The following FGF14 variants were observed in gnomAD, a reference collection of about 807,000 sequenced individuals.
FGF14 encodes fibroblast growth factor 14, also known as fibroblast growth factor homologous factor 4.
In FGF14, 5 loss-of-function variants were observed where a neutral mutation model predicts 25.5. The observed-to-expected ratio is 0.20, with a 90% confidence interval of 0.10 to 0.41. FGF14 has a LOEUF of 0.41. FGF14 is among the 10% of genes least tolerant of loss of function. FGF14 has a pLI of 1.00. For synonymous variants in FGF14, 138 were observed against 118.3 expected, an observed-to-expected ratio of 1.17 and a Z score of -1.08; for missense variants, 222 against 320.1, an observed-to-expected ratio of 0.69 and a Z score of 2.34.
intron 1 of FGF14, among the ~76,000 whole-genome samples, chr13:102,335,739 C>CT (rs551399902): frequency 3.2e-4 from 48 of 152,274 alleles, no homozygotes; most frequent in African/African-American, 1.2e-3. Flanking sequence ...TTTGTGGACT[C>CT]TGTGTTGCAC....
At chr13:102,123,749 T>C (rs2045834362) in intron 1 of FGF14, among the ~76,000 whole-genome samples, 1 of 152,156 alleles carries the variant, frequency 6.6e-6, no homozygotes, top group Non-Finnish European at 1.5e-5. Flanking sequence ...GGATATTAAG[T>C]GTTTTGCATG....
At chr13:102,395,466 G>A (rs1444787121) in intron 1 of FGF14, 1 of 152,132 alleles carries the variant, frequency 6.6e-6, no homozygotes, top group Admixed American at 6.5e-5. Flanking sequence ...ATAAAATGTG[G>A]GCCAAGGGAA....
rs749416557 is a variant in FGF14, at chr13:101,961,649, C to T, written c.209-86353G>A. On this transcript the variant is annotated intron_variant, in intron 1 of 4. Coordinates refer to the FGF14 transcript ENST00000376131. ...GTGGGAGCTAATTGAATCATGGGGA[C>T]GGTTACCTCCATGCTGTTCTCATGA... 3.3e-5 allele frequency among the ~76,000 whole-genome samples: 5 copies of T among 152,180 alleles called. No homozygotes were observed. In the East Asian group the frequency reaches 5.8e-4, roughly 18 times the overall value.
At chr13:102,079,595 T>C (rs2043521902) in intron 1 of FGF14, among the ~76,000 whole-genome samples, 1 of 152,124 alleles carries the variant, frequency 6.6e-6, no homozygotes, top group African/African-American at 2.4e-5. Context: ...TAAATATTTA[T>C]TAAGTGTCTT....
intron 1 of FGF14, among the ~76,000 whole-genome samples, chr13:102,070,003 C>T (rs918522385): frequency 1.3e-5 from 2 of 152,186 alleles, no homozygotes; most frequent in African/African-American, 4.8e-5. Context: ...CTTAAAAGCA[C>T]AGGTAACCAG....
At position 101,843,281 on chromosome 13, in the gene FGF14, G is replaced by T. The variant is rs182853084; in HGVS notation, c.408+25444C>A. Among the ~76,000 whole-genome samples the T allele has an allele frequency of 1.2e-3, 179 of 152,126 alleles. 1 individual carries two copies. Among genetic ancestry groups the T allele is most frequent in the African/African-American group, 4.3e-3 (178 of 41,532 alleles). On this transcript the variant is annotated intron_variant, in intron 3 of 4. Transcript: ENST00000376143. ...GCCCCTACCTCACTGTATTTCAGAA[G>T]AAGTAGGAGACATGCATTTAGGGGG... is the stretch of plus-strand genomic sequence containing the variant.
At position 101,913,620 on chromosome 13, in the gene FGF14, A is replaced by C. The variant is rs531813555; in HGVS notation, c.193+2833T>G. Among the ~76,000 whole-genome samples the C allele has an allele frequency of 1.2e-4, 18 of 152,224 alleles. No individual in the cohort carries two copies. The South Asian group carries it at 1.5e-3, about 12-fold the overall frequency. On this transcript the variant is annotated intron_variant, in intron 1 of 4. Coordinates refer to ENST00000376143, the MANE Select transcript of FGF14 (RefSeq NM_004115.4). The stretch of plus-strand genomic sequence containing the variant: ...TATATTCTACTTGACAATGTGCTTA[A>C]AATTTCTATGCCTCTTTTTTTTCTC...
rs1432525623 is a variant in FGF14 at position 101,850,290 on chromosome 13, A to C, written c.408+18435T>G. Among the ~76,000 whole-genome samples the C allele has an allele frequency of 1.5e-4, 21 of 142,080 alleles. No individual in the cohort carries two copies. In the East Asian group the frequency reaches 2.3e-3, roughly 15 times the overall value. 93.2% of individuals were successfully genotyped at this position (142,080 alleles called of 152,430 possible). A position where few individuals can be genotyped will look rare whatever the true frequency, so the allele number is the denominator to read the frequency against. Reference sequence around the variant, plus strand: ...CTCTACTAAAAATCCAAAAAAAAAAAAAAAAAAAAAAAAAATAGCCGGGCA... The same window carrying C: ...CTCTACTAAAAATCCAAAAAAAAAACAAAAAAAAAAAAAAATAGCCGGGCA... On this transcript the variant is annotated intron_variant, in intron 3 of 4. Transcript: ENST00000376143.
intron 1 of FGF14, among the ~76,000 whole-genome samples, chr13:102,229,778 G>A (rs1230176986): frequency 6.6e-6 from 1 of 152,168 alleles, no homozygotes; most frequent in Admixed American, 6.6e-5. Flanking sequence ...GGAGATTTAG[G>A]ATTTAATGAA....
intron 1 of FGF14, among the ~76,000 whole-genome samples, chr13:102,075,280 A>T (rs372103322): frequency 1.5e-4 from 23 of 152,370 alleles, no homozygotes; most frequent in African/African-American, 5.0e-4. Flanking sequence ...CTAACTATGA[A>T]CTATCAGAAA....
chr13:101,758,968 A>T (rs1391802427), intron 3 of FGF14, among the ~76,000 whole-genome samples: 1 of 152,210 alleles, frequency 6.6e-6, no homozygotes, highest in African/African-American at 2.4e-5. Flanking sequence ...AACAACAATA[A>T]CAAAAGCACC....
chr13:102,282,123 A>G (rs937398166), intron 1 of FGF14, among the ~76,000 whole-genome samples: 2 of 150,692 alleles, frequency 1.3e-5, no homozygotes, highest in Non-Finnish European at 3.0e-5. Context: ...CTGGAGTAAA[A>G]TGGCACGATC....
intron 3 of FGF14, among the ~76,000 whole-genome samples, chr13:101,735,681 A>T (rs2036137917): frequency 6.6e-6 from 1 of 151,942 alleles, no homozygotes; most frequent in African/African-American, 2.4e-5. Context: ...AAAAAAAAAA[A>T]AAAAGCTCAT....
intron 1 of FGF14, among the ~76,000 whole-genome samples, chr13:102,254,200 T>C (rs999608595): frequency 2.0e-5 from 3 of 152,212 alleles, no homozygotes; most frequent in African/African-American, 7.2e-5. Context: ...ATAGCAGCCT[T>C]TATAAAGTTA....
At chr13:102,295,295 T>C (rs2141286548) in intron 1 of FGF14, among the ~76,000 whole-genome samples, 1 of 152,230 alleles carries the variant, frequency 6.6e-6, no homozygotes, top group South Asian at 2.1e-4. Context: ...TTCGTCTCTG[T>C]CCCTCTCATC....
At chr13:102,309,369 G>A (rs890225392) in intron 1 of FGF14, among the ~76,000 whole-genome samples, 21 of 152,132 alleles carry the variant, frequency 1.4e-4, no homozygotes, top group African/African-American at 4.8e-4. Flanking sequence ...CATCAGCTAG[G>A]TAAAGGCATT....
intron 3 of FGF14, among the ~76,000 whole-genome samples, chr13:101,740,075 T>G (rs1461657194): frequency 6.6e-6 from 1 of 152,196 alleles, no homozygotes; most frequent in Non-Finnish European, 1.5e-5. Flanking sequence ...CCTAGATTGC[T>G]CAATCAATCA....
chr13:102,155,648 G>T (rs2047297070), intron 1 of FGF14, among the ~76,000 whole-genome samples: 1 of 151,998 alleles, frequency 6.6e-6, no homozygotes, highest in Non-Finnish European at 1.5e-5. Flanking sequence ...CAGAAGGCAA[G>T]AAATAACTAA....
At chr13:102,164,263 C>T (rs920120449) in intron 1 of FGF14, among the ~76,000 whole-genome samples, 9 of 152,134 alleles carry the variant, frequency 5.9e-5, no homozygotes, top group Admixed American at 3.3e-4. Context: ...CTAAAATCTC[C>T]AAAGCAGTGT....
Sources: gnomAD v4.1 joint callset for allele counts (sites outside exome capture counted in the v4.1 genomes callset) on GRCh38, gnomAD v4.1.1 for gene constraint, MANE v1.5 for transcripts, NCBI Gene and HGNC (gene_info 2026-07-23, HGNC 2026-07-21) for gene names.